Variants in MNAT1 observed in about 807,000 individuals in gnomAD.
The protein encoded by MNAT1 is CDK-activating kinase assembly factor MAT1.
In MNAT1, 43 loss-of-function variants were observed where a neutral mutation model predicts 42.0. That is an observed-to-expected ratio of 1.02 (90% CI 0.80 to 1.32). MNAT1 has a LOEUF of 1.32. Ranked by LOEUF, MNAT1 falls within the 40% of genes most tolerant of loss-of-function variation. The pLI is 0.00. For missense variants in MNAT1, 306 were observed against 350.4 expected, an observed-to-expected ratio of 0.87 and a Z score of 1.01; for synonymous variants, 118 against 120.0, an observed-to-expected ratio of 0.98 and a Z score of 0.11.
At chr14:60,929,164 A>ATATATATATATATATATAT (rs1396036965) in intron 7 of MNAT1, among the ~76,000 whole-genome samples, 1 of 119,370 alleles carries the variant, frequency 8.4e-6, no homozygotes, top group African/African-American at 3.8e-5. Flanking sequence ...AAAAAAAAAA[A>ATATATATATATATATATAT]AAAAAAATAT....
chr14:60,820,338 GGCAAAGGACC>G (rs1158081147), intron 6 of MNAT1, among the ~76,000 whole-genome samples: 4 of 151,998 alleles, frequency 2.6e-5, no homozygotes, highest in Admixed American at 6.6e-5. Context: ...AATTTTAAGA[GGCAAAGGACC>G]GTTTCTTTCC....
intron 1 of MNAT1, among the ~76,000 whole-genome samples, chr14:60,754,922 T>C (rs1454205846): frequency 5.9e-5 from 9 of 152,180 alleles, no homozygotes; most frequent in Admixed American, 2.6e-4. Context: ...TTTATAAAAA[T>C]ACTTTCACCT....
Position 60,741,651 on chromosome 14 carries a change from G to A in MNAT1, c.89+6700G>A, listed in dbSNP as rs555095863. 2.1e-5 allele frequency among the ~76,000 whole-genome samples: 3 copies of A among 144,492 alleles called. No individual in the cohort carries two copies. The South Asian group carries it at 6.6e-4, about 32-fold the overall frequency. The allele number at this position is 144,492 out of a possible 152,430, so 94.8% of individuals were successfully genotyped here. On this transcript the variant is annotated intron_variant, in intron 1 of 7. Transcript: ENST00000261245. Reference sequence around the variant, plus strand: ...TGGGATTACAGGCGTGAGCCACTGCGCCTGGGGTTTTTTTTTTTTTTTTTT... The same window carrying A: ...TGGGATTACAGGCGTGAGCCACTGCACCTGGGGTTTTTTTTTTTTTTTTTT...
intron 1 of MNAT1, among the ~76,000 whole-genome samples, chr14:60,767,862 C>G (rs907454060): frequency 2.0e-5 from 3 of 152,284 alleles, no homozygotes; most frequent in South Asian, 2.1e-4. Flanking sequence ...CTCCCTGGTT[C>G]AAGTGATTCC....
chr14:60,957,632 CTTATATT>C (rs780796751), intron 7 of MNAT1, among the ~76,000 whole-genome samples: 5 of 152,068 alleles, frequency 3.3e-5, no homozygotes, highest in Non-Finnish European at 4.4e-5. Context: ...TCATTCTTCT[CTTATATT>C]TTATGTTTTC....
rs557717932 is a variant in MNAT1 at position 60,823,136 on chromosome 14, GT to G, written c.687+4290del. On this transcript the variant is annotated intron_variant, in intron 6 of 7. Transcript: ENST00000261245. ...ACCTCCCTCTACTCTGCCTTTTAAA[GT>G]ATTGGATGAAGAGGTGGGTCTTACA... 1.2e-3 allele frequency among the ~76,000 whole-genome samples: 177 copies of G among 152,268 alleles called. 1 individual carries two copies. The highest frequency in any genetic ancestry group is 4.1e-3 in the African/African-American group (172 of 41,550).
intron 6 of MNAT1, among the ~76,000 whole-genome samples, chr14:60,830,525 G>A (rs2033183999): frequency 6.6e-6 from 1 of 152,104 alleles, no homozygotes; most frequent in African/African-American, 2.4e-5. Context: ...ACAAATGTTT[G>A]GGAATCTTAT....
chr14:60,794,660 A>AAATATATAT (rs1555375163), intron 1 of MNAT1, among the ~76,000 whole-genome samples: 4 of 28,632 alleles, frequency 1.4e-4, no homozygotes, highest in African/African-American at 1.4e-4. Flanking sequence ...AAAAAAAAAA[A>AAATATATAT]ATATATATAT....
At chr14:60,847,209 C>T (rs2033703514) in intron 6 of MNAT1, among the ~76,000 whole-genome samples, 1 of 151,974 alleles carries the variant, frequency 6.6e-6, no homozygotes, top group Non-Finnish European at 1.5e-5. Flanking sequence ...TCGAGACCAT[C>T]CTGGCTAACA....
intron 7 of MNAT1, among the ~76,000 whole-genome samples, chr14:60,952,637 A>G (rs2036404761): frequency 6.6e-6 from 1 of 152,166 alleles, no homozygotes. Context: ...ACACAGACAG[A>G]GCGTTAGGTT....
chr14:60,753,238 A>G (rs554223536), intron 1 of MNAT1, among the ~76,000 whole-genome samples: 7 of 152,302 alleles, frequency 4.6e-5, no homozygotes, highest in Admixed American at 2.6e-4. Context: ...CTGGGGCTCT[A>G]TTCATTTGAA....
chr14:60,787,327 A>C (rs1188601719), intron 1 of MNAT1, among the ~76,000 whole-genome samples: 1 of 152,202 alleles, frequency 6.6e-6, no homozygotes, highest in East Asian at 1.9e-4. Flanking sequence ...CAATATGACT[A>C]AAAAACAGTG....
intron 6 of MNAT1, among the ~76,000 whole-genome samples, chr14:60,870,123 C>A (rs775854240): frequency 9.9e-5 from 15 of 152,056 alleles, no homozygotes; most frequent in Non-Finnish European, 1.5e-4. Flanking sequence ...ATTGTTCTTC[C>A]AATGTTCCTA....
At chr14:60,913,386 G>A (rs1453965698) in intron 7 of MNAT1, among the ~76,000 whole-genome samples, 1 of 152,164 alleles carries the variant, frequency 6.6e-6, no homozygotes, top group Non-Finnish European at 1.5e-5. Flanking sequence ...GCATTCCTTT[G>A]GAGGAGGAGA....
chr14:60,830,433 T>A (rs1362600516), intron 6 of MNAT1, among the ~76,000 whole-genome samples: 1 of 152,220 alleles, frequency 6.6e-6, no homozygotes, highest in Admixed American at 6.5e-5. Context: ...ATTTAGTATT[T>A]GTAAATGTTG....
chr14:60,741,316 C>T (rs996387287), intron 1 of MNAT1, among the ~76,000 whole-genome samples: 4 of 152,122 alleles, frequency 2.6e-5, no homozygotes, highest in Admixed American at 2.0e-4. Flanking sequence ...GCTAGGACTA[C>T]AGGTGCATGG....
intron 7 of MNAT1, among the ~76,000 whole-genome samples, chr14:60,941,877 G>A (rs1306370834): frequency 6.7e-6 from 1 of 150,136 alleles, no homozygotes; most frequent in Non-Finnish European, 1.5e-5. Context: ...AATGGCGGGC[G>A]CCTGTAATTG....
At chr14:60,801,104 G>C (rs548743945) in intron 3 of MNAT1, among the ~76,000 whole-genome samples, 1 of 152,126 alleles carries the variant, frequency 6.6e-6, no homozygotes, top group Non-Finnish European at 1.5e-5. Context: ...ATTCAGAGAA[G>C]AGATGACATG....
At chr14:60,848,008 A>G (rs1048863181) in intron 6 of MNAT1, among the ~76,000 whole-genome samples, 6 of 152,290 alleles carry the variant, frequency 3.9e-5, no homozygotes, top group East Asian at 1.9e-4. Context: ...AGATTTGTCT[A>G]TGTAATTACC....
Sources: gnomAD v4.1 joint callset for allele counts (sites outside exome capture counted in the v4.1 genomes callset) on GRCh38, gnomAD v4.1.1 for gene constraint, MANE v1.5 for transcripts, NCBI Gene and HGNC (gene_info 2026-07-23, HGNC 2026-07-21) for gene names.